Variants in SYT17 observed in about 807,000 individuals in gnomAD.
The protein encoded by SYT17 is synaptotagmin 17.
Under a neutral mutation model 46.7 loss-of-function variants are expected in SYT17, and 22 were observed. The observed-to-expected ratio is 0.47, with a 90% CI of 0.34 to 0.67. The LOEUF is 0.67. SYT17 is among the 30% of genes least tolerant of loss of function. The pLI, the probability that SYT17 is intolerant of heterozygous loss-of-function variation, is 0.01. For synonymous variants in SYT17, 251 were observed against 248.4 expected, an observed-to-expected ratio of 1.01 and a Z score of -0.10; for missense variants, 519 against 612.8, an observed-to-expected ratio of 0.85 and a Z score of 1.62.
chr16:19,213,355 G>A (rs1965976500), intron 5 of SYT17, among the ~76,000 whole-genome samples: 1 of 152,206 alleles, frequency 6.6e-6, no homozygotes, highest in Admixed American at 6.5e-5. Context: ...CGGGAATGCG[G>A]TTACACTGGC....
intron 7 of SYT17, chr16:19,250,198 C>A: frequency 1.0e-6 from 1 of 988,568 alleles, no homozygotes; most frequent in Non-Finnish European, 1.4e-6. Context: ...CCATCAGATT[C>A]TGTAATGAAC....
At chr16:19,180,802 A>C (rs1964521013) in intron 4 of SYT17, among the ~76,000 whole-genome samples, 1 of 150,890 alleles carries the variant, frequency 6.6e-6, no homozygotes, top group Admixed American at 6.6e-5. Context: ...GGCTGAATTG[A>C]TTAACATTGT....
chr16:19,195,776 A>G (rs1204921339), intron 5 of SYT17, among the ~76,000 whole-genome samples: 1 of 152,086 alleles, frequency 6.6e-6, no homozygotes, highest in African/African-American at 2.4e-5. Flanking sequence ...GTGAGTCAGG[A>G]GTTCAAGACC....
chr16:19,211,442 T>C (rs1175507695), intron 5 of SYT17: 1 of 703,712 alleles, frequency 1.4e-6, no homozygotes. Context: ...TTTGCCTTTA[T>C]GGAGAAAAAG....
Position 19,175,926 on chromosome 16 carries a change from G to C in SYT17, c.182+2348G>C, listed in dbSNP as rs117370700. Among the ~76,000 whole-genome samples the C allele has an allele frequency of 1.0e-3, 154 of 152,308 alleles. No homozygotes were observed. In the Middle Eastern group the frequency reaches 0.017, roughly 17 times the overall value. ...TGCCAGGCGCTGTGGTATACACAGG[G>C]CTAGATAGGGTCCTGTGACCATGCT... On this transcript the variant is annotated intron_variant, in intron 3 of 7. Coordinates refer to ENST00000355377, the MANE Select transcript of SYT17 (RefSeq NM_016524.4).
In SYT17 at chr16:19,239,959, G is replaced by A. The variant is rs149369955; in HGVS notation, c.1228+15121G>A. Among the ~76,000 whole-genome samples the A allele has an allele frequency of 1.6e-3, 242 of 152,348 alleles. 2 individuals are homozygous for A. Among genetic ancestry groups the A allele is most frequent in the African/African-American group, 5.7e-3 (237 of 41,590 alleles). ...AGCATGGGTGCCGGCTCACTGCGAG[G>A]CTGCGGCTGGACCAGGATCACCACA... On this transcript the variant is annotated intron_variant, in intron 7 of 7. Transcript: ENST00000355377.
intron 7 of SYT17, among the ~76,000 whole-genome samples, chr16:19,231,140 T>C (rs1461603374): frequency 2.0e-5 from 3 of 152,236 alleles, no homozygotes; most frequent in Admixed American, 6.5e-5. Flanking sequence ...AAAGGCCATC[T>C]GTCTTCTTGG....
chr16:19,192,062 C>T (rs139091084), intron 5 of SYT17, among the ~76,000 whole-genome samples: 495 of 152,300 alleles, frequency 3.3e-3, no homozygotes, highest in Admixed American at 6.5e-3. Flanking sequence ...GGATTACAGG[C>T]GCGAGCCACC....
chr16:19,232,780 C>T (rs560687948), intron 7 of SYT17, among the ~76,000 whole-genome samples: 5 of 152,054 alleles, frequency 3.3e-5, no homozygotes, highest in East Asian at 1.9e-4. Context: ...TGCAGTGACC[C>T]GAGATCACGG....
At chr16:19,187,464 G>T (rs1325459181) in intron 5 of SYT17, among the ~76,000 whole-genome samples, 1 of 152,152 alleles carries the variant, frequency 6.6e-6, no homozygotes, top group African/African-American at 2.4e-5. Context: ...GAGTGGATCA[G>T]GATGTATTTG....
chr16:19,253,138 C>T (rs1297941712), intron 7 of SYT17, among the ~76,000 whole-genome samples: 2 of 152,174 alleles, frequency 1.3e-5, no homozygotes, highest in African/African-American at 4.8e-5. Flanking sequence ...GGAATACAGC[C>T]ATGTGCATTC....
Position 19,168,784 on chromosome 16 carries a change from G to A in SYT17, c.15+123G>A. On this transcript the variant is annotated intron_variant, in intron 1 of 7. Coordinates refer to ENST00000355377, the MANE Select transcript of SYT17 (RefSeq NM_016524.4). The surrounding 1 kb of genome is among the most constrained non-coding windows in gnomAD (Gnocchi z 6.9). Reference sequence around the variant, plus strand: ...TCCCACAAACTTGCTTCGAGAAAAAGGGTGCCCGTGCGCGGGCAACCTGTG... The same window carrying A: ...TCCCACAAACTTGCTTCGAGAAAAAAGGTGCCCGTGCGCGGGCAACCTGTG... 5 of 1,274,708 alleles carry A rather than the reference G, an allele frequency of 3.9e-6. No individual in the cohort carries two copies. The highest frequency in any genetic ancestry group is 5.2e-6 in the Non-Finnish European group (5 of 958,578). The allele number at this position is 1,274,708 out of a possible 1,614,324, so 79.0% of individuals were successfully genotyped here.
intron 5 of SYT17, among the ~76,000 whole-genome samples, chr16:19,222,552 A>G (rs909696315): frequency 6.6e-6 from 1 of 152,022 alleles, no homozygotes; most frequent in Non-Finnish European, 1.5e-5. Flanking sequence ...AGGGCATTCT[A>G]CCTCCCAGGT....
chr16:19,180,726 T>G (rs1964518286), intron 4 of SYT17, among the ~76,000 whole-genome samples, 187 bp downstream of exon 4: 1 of 152,334 alleles, frequency 6.6e-6, no homozygotes. Context: ...TGATTGCTGC[T>G]GAGTTTAATC....
At position 19,203,226 on chromosome 16, in the gene SYT17, C is replaced by T. The variant is rs190765629; in HGVS notation, c.951+19079C>T. Among the ~76,000 whole-genome samples, 158 of 152,122 alleles carry T rather than the reference C, an allele frequency of 1.0e-3. 1 individual carries two copies. The highest frequency in any genetic ancestry group is 3.6e-3 in the African/African-American group (151 of 41,484). Reference sequence around the variant, plus strand: ...AAGCACTTGGCCAGGCGCAGTGGCTCACGCCTGTAATCCCAGCAGTTTGGG... The same window carrying T: ...AAGCACTTGGCCAGGCGCAGTGGCTTACGCCTGTAATCCCAGCAGTTTGGG... On this transcript the variant is annotated intron_variant, in intron 5 of 7. Transcript: ENST00000355377.
chr16:19,177,156 G>T (rs992022150), intron 3 of SYT17, among the ~76,000 whole-genome samples: 2 of 152,134 alleles, frequency 1.3e-5, no homozygotes, highest in Non-Finnish European at 2.9e-5. Flanking sequence ...GGGGCAAGGG[G>T]GCTGGGACCC....
At chr16:19,192,546 G>T (rs563074026) in intron 5 of SYT17, among the ~76,000 whole-genome samples, 24 of 152,262 alleles carry the variant, frequency 1.6e-4, no homozygotes, top group African/African-American at 5.8e-4. Flanking sequence ...AACATGAAGA[G>T]ATCCTGTTTC....
chr16:19,205,826 C>T (rs143241173), intron 5 of SYT17, among the ~76,000 whole-genome samples: 29 of 152,276 alleles, frequency 1.9e-4, no homozygotes, highest in African/African-American at 5.8e-4. Flanking sequence ...TTTCTATCCC[C>T]GATGCCAGCT....
At chr16:19,208,440 G>T (rs947667875) in intron 5 of SYT17, among the ~76,000 whole-genome samples, 1 of 152,160 alleles carries the variant, frequency 6.6e-6, no homozygotes, top group Non-Finnish European at 1.5e-5. Flanking sequence ...GGGAAGCAAA[G>T]CACGGCTTAC....
Sources: gnomAD v4.1 joint callset for allele counts (sites outside exome capture counted in the v4.1 genomes callset) on GRCh38, gnomAD v4.1.1 for gene constraint, Gnocchi (gnomAD v3.1) non-coding constraint, MANE v1.5 for transcripts, NCBI Gene and HGNC (gene_info 2026-07-23, HGNC 2026-07-21) for gene names.